The following MET variants were observed in gnomAD, a reference collection of about 807,000 sequenced individuals.
MET encodes the protein MET proto-oncogene, receptor tyrosine kinase.
Under a neutral mutation model 133.1 loss-of-function variants are expected in MET, and 48 were observed. The observed-to-expected ratio is 0.36, with a 90% confidence interval of 0.29 to 0.46. The LOEUF is 0.46. MET is among the 20% of genes least tolerant of loss of function. The pLI, the probability that MET is intolerant of heterozygous loss-of-function variation, is 1.00. For synonymous variants in MET, 628 were observed against 616.5 expected (o/e 1.02, Z -0.28); for missense variants, 1,442 against 1,695.9 (o/e 0.85, Z 2.63).
At chr7:116,793,627 C>T (rs1006239899) in intron 19 of MET, among the ~76,000 whole-genome samples, 11 of 151,642 alleles carry the variant, frequency 7.3e-5, no homozygotes, top group African/African-American at 2.2e-4. Flanking sequence ...AGCCAGGCGC[C>T]GTGGCTCATG....
At chr7:116,770,460 A>G (rs1794796011) in intron 12 of MET, among the ~76,000 whole-genome samples, 1 of 152,178 alleles carries the variant, frequency 6.6e-6, no homozygotes, top group South Asian at 2.1e-4. Context: ...TTTTAAATGT[A>G]CAATTAAGTT....
intron 2 of MET, among the ~76,000 whole-genome samples, chr7:116,718,887 T>G (rs1232331496): frequency 6.9e-6 from 1 of 145,504 alleles, no homozygotes; most frequent in Non-Finnish European, 1.5e-5. Flanking sequence ...TAATCCAGTC[T>G]ATCATTGTTG....
chr7:116,760,258 CT>C (rs1397539101), intron 10 of MET, among the ~76,000 whole-genome samples: 1 of 152,124 alleles, frequency 6.6e-6, no homozygotes, highest in East Asian at 1.9e-4. Flanking sequence ...TTACAGCCCC[CT>C]GTTCTTCTTA....
chr7:116,789,351 A>C (rs1795412742), intron 19 of MET, among the ~76,000 whole-genome samples: 1 of 151,286 alleles, frequency 6.6e-6, no homozygotes, highest in African/African-American at 2.4e-5. Context: ...TCAGAATCAA[A>C]CTCTTTCCTG....
At chr7:116,756,157 G>C (rs1396683493) in intron 6 of MET, among the ~76,000 whole-genome samples, 1 of 152,120 alleles carries the variant, frequency 6.6e-6, no homozygotes, top group African/African-American at 2.4e-5. Context: ...GAGAGTAAGA[G>C]CTGAACAAGC....
chr7:116,696,594 A>G (rs548197437), intron 1 of MET, among the ~76,000 whole-genome samples: 60 of 152,272 alleles, frequency 3.9e-4, no homozygotes, highest in Middle Eastern at 6.8e-3. Context: ...TTGATGCCTC[A>G]CTGACCTTAA....
At chr7:116,754,886 AG>A in intron 5 of MET, among the ~76,000 whole-genome samples, 3 of 119,126 alleles carry the variant, frequency 2.5e-5, no homozygotes, top group Non-Finnish European at 5.2e-5. Flanking sequence ...AGAGAGAGAG[AG>A]AAAGAGAGAA....
intron 1 of MET, among the ~76,000 whole-genome samples, chr7:116,685,404 G>A (rs1168734224): frequency 6.6e-6 from 1 of 152,226 alleles, no homozygotes; most frequent in Non-Finnish European, 1.5e-5. Flanking sequence ...CAGGCTGAGT[G>A]CAGTGGCTCA....
intron 11 of MET, among the ~76,000 whole-genome samples, chr7:116,766,522 T>C (rs924059939): frequency 6.6e-6 from 1 of 152,078 alleles, no homozygotes; most frequent in African/African-American, 2.4e-5. Context: ...ATGTTGTCCT[T>C]CTCCCTTTGA....
intron 19 of MET, among the ~76,000 whole-genome samples, chr7:116,784,217 G>C (rs1434074032): frequency 1.3e-5 from 2 of 152,202 alleles, no homozygotes; most frequent in African/African-American, 4.8e-5. Flanking sequence ...AGAGAGGGAA[G>C]TTATGAGAAT....
chr7:116,679,348 A>G (rs1796269701), intron 1 of MET, among the ~76,000 whole-genome samples: 1 of 152,240 alleles, frequency 6.6e-6, no homozygotes, highest in South Asian at 2.1e-4. Context: ...AAAATAAGCC[A>G]TCTAACTAAA....
chr7:116,750,214 G>A (rs1441905805), intron 5 of MET, among the ~76,000 whole-genome samples: 2 of 151,894 alleles, frequency 1.3e-5, no homozygotes, highest in Admixed American at 6.6e-5. Context: ...AAACAGCATG[G>A]TACTGGTACC....
At chr7:116,716,485 GAA>G (rs1210932614) in intron 2 of MET, among the ~76,000 whole-genome samples, 1 of 135,884 alleles carries the variant, frequency 7.4e-6, no homozygotes, top group East Asian at 2.2e-4. Context: ...AAGAAAGAAA[GAA>G]AGAAAGAAAG....
intron 6 of MET, 121 bp from the exon 7 acceptor site, chr7:116,757,316 C>T (rs1258181216): frequency 7.6e-6 from 6 of 789,566 alleles, no homozygotes; most frequent in African/African-American, 1.7e-5. Context: ...TATCTTGAAA[C>T]TCTGCTTGCT....
At chr7:116,769,830 A>C in intron 12 of MET, 39 bp downstream of exon 12, 1 of 1,613,020 alleles carries the variant, frequency 6.2e-7, no homozygotes, top group Non-Finnish European at 8.5e-7. Context: ...TAAATAAGGA[A>C]GCCAGTGTAA....
chr7:116,721,372 T>C (rs1462002255), intron 2 of MET, among the ~76,000 whole-genome samples: 1 of 152,192 alleles, frequency 6.6e-6, no homozygotes, highest in African/African-American at 2.4e-5. Flanking sequence ...TTGATTCTTC[T>C]CTCTTTTCTT....
At chr7:116,740,799 A>G in intron 4 of MET, 53 bp from the exon 5 acceptor site, 1 of 1,603,130 alleles carries the variant, frequency 6.2e-7, no homozygotes, top group South Asian at 1.1e-5. Context: ...TTTATAATTA[A>G]TTAACAAACT....
At chr7:116,695,594 C>T (rs78341555) in intron 1 of MET, among the ~76,000 whole-genome samples, 4,022 of 152,246 alleles carry the variant, frequency 0.026, 137 homozygotes, top group East Asian at 0.07. Flanking sequence ...CATGCTCCCA[C>T]CTCGCTTTGG....
chr7:116,717,344 G>A (rs1792282872), intron 2 of MET, among the ~76,000 whole-genome samples: 1 of 152,152 alleles, frequency 6.6e-6, no homozygotes, highest in Non-Finnish European at 1.5e-5. Context: ...GAAATTGAAA[G>A]CTCTGTGCCT....
Sources: allele counts gnomAD v4.1 joint callset (sites outside exome capture counted in the v4.1 genomes callset), GRCh38; gene constraint gnomAD v4.1.1; transcripts MANE v1.5; gene names NCBI Gene and HGNC (gene_info 2026-07-23, HGNC 2026-07-21).